The following PTGR1 variants were observed in gnomAD, a reference collection of about 807,000 sequenced individuals.
The protein encoded by PTGR1 is 15-oxoprostaglandin 13-reductase.
A neutral mutation model predicts 37.7 loss-of-function variants in PTGR1; 23 were observed. That is an observed-to-expected ratio of 0.61 (90% CI 0.44 to 0.86). The LOEUF is 0.86. Ranked by LOEUF, PTGR1 falls within the 40% of genes least tolerant of loss-of-function variation. The pLI is 0.00. For missense variants in PTGR1, 351 were observed against 394.3 expected, an observed-to-expected ratio of 0.89 and a Z score of 0.93; for synonymous variants, 134 against 140.0, an observed-to-expected ratio of 0.96 and a Z score of 0.30.
At position 111,586,110 on chromosome 9, in the gene PTGR1, G is replaced by C. The variant is rs756125495; in HGVS notation, c.265C>G (p.Pro89Ala). The change falls in exon 5 of 10, where the codon CCA becomes GCA. Residue 89 changes from proline to alanine, a missense_variant. Transcript: ENST00000407693. ...GAAATGGAGTGCGTTGTCCAGCCTG[G>C]AGAAGCCAGTACAATAGTTCCTTTT... ...LPKGTIVLAS[P>A]GWTTHSISDG... The C allele has an allele frequency of 6.2e-7, 1 of 1,614,168 alleles. No homozygotes were observed. Among genetic ancestry groups the C allele is most frequent in the African/African-American group, 1.3e-5 (1 of 75,034 alleles).
At chr9:111,550,847 A>G (rs764041484) in intron 9 of PTGR1, among the ~76,000 whole-genome samples, 3 of 151,972 alleles carry the variant, frequency 2.0e-5, no homozygotes, top group Non-Finnish European at 4.4e-5. Flanking sequence ...TTCTCTGAGC[A>G]TGTTAATTAT....
At chr9:111,567,500 G>A (rs1451269535) in intron 9 of PTGR1, among the ~76,000 whole-genome samples, 1 of 152,126 alleles carries the variant, frequency 6.6e-6, no homozygotes, top group Non-Finnish European at 1.5e-5. Context: ...GCACTTTTTA[G>A]CAAAGGCTTG....
At chr9:111,570,003 G>A in intron 9 of PTGR1, 88 bp downstream of exon 9, 1 of 1,579,986 alleles carries the variant, frequency 6.3e-7, no homozygotes, top group Non-Finnish European at 8.6e-7. Flanking sequence ...GGCAGAGATG[G>A]GGAAGAATTG....
chr9:111,551,828 T>C (rs1827968755), intron 9 of PTGR1, among the ~76,000 whole-genome samples: 1 of 152,210 alleles, frequency 6.6e-6, no homozygotes, highest in African/African-American at 2.4e-5. Context: ...ATCAATTCAG[T>C]TTATTAGCAT....
intron 9 of PTGR1, 189 bp downstream of exon 9, chr9:111,569,902 G>A (rs1828733866): frequency 2.2e-6 from 2 of 892,630 alleles, no homozygotes; most frequent in African/African-American, 1.7e-5. Flanking sequence ...GAACTTTAGA[G>A]AGGGTTGTTT....
intron 9 of PTGR1, among the ~76,000 whole-genome samples, chr9:111,553,909 G>T (rs1424355013): frequency 1.3e-5 from 2 of 152,160 alleles, no homozygotes; most frequent in African/African-American, 2.4e-5. Context: ...GGTCTTTCCA[G>T]CATTTTGTTG....
Position 111,597,286 on chromosome 9 carries a change from C to T in PTGR1, c.106+31G>A, listed in dbSNP as rs760888965. On this transcript the variant is annotated intron_variant, in intron 2 of 9. Transcript: ENST00000407693. Reference sequence around the variant, plus strand: ...CAAAAGCTAACTGATACAGTCCCTTCCAACTCTGAAATATTTTTAGTATGA... The same window carrying T: ...CAAAAGCTAACTGATACAGTCCCTTTCAACTCTGAAATATTTTTAGTATGA... The T allele has an allele frequency of 2.0e-6, 3 of 1,517,198 alleles. No homozygotes were observed. The South Asian group carries it at 3.4e-5, about 17-fold the overall frequency. The allele number at this position is 1,517,198 out of a possible 1,614,324, so 94.0% of individuals were successfully genotyped here.
At chr9:111,580,862 A>G (rs1437818360) in intron 6 of PTGR1, among the ~76,000 whole-genome samples, 3 of 152,104 alleles carry the variant, frequency 2.0e-5, no homozygotes, top group African/African-American at 7.2e-5. Flanking sequence ...TGTTTCTAGC[A>G]TAGCGTCCCT....
chr9:111,568,529 C>T (rs533259688), intron 9 of PTGR1, among the ~76,000 whole-genome samples: 1 of 152,252 alleles, frequency 6.6e-6, no homozygotes, highest in African/African-American at 2.4e-5. Context: ...TGATTTTGCC[C>T]TTGTCCTGTT....
At chr9:111,557,265 T>C (rs538127895) in intron 9 of PTGR1, among the ~76,000 whole-genome samples, 67 of 151,856 alleles carry the variant, frequency 4.4e-4, no homozygotes, top group Admixed American at 7.2e-4. Flanking sequence ...TCCCAGCTAC[T>C]TGGGAGGCTG....
chr9:111,581,850 T>C (rs935453039), intron 6 of PTGR1, among the ~76,000 whole-genome samples: 1 of 152,110 alleles, frequency 6.6e-6, no homozygotes, highest in Admixed American at 6.6e-5. Context: ...TTAATGATAA[T>C]GAGATTTTTA....
chr9:111,568,010 A>T (rs1157246848), intron 9 of PTGR1, among the ~76,000 whole-genome samples: 1 of 152,232 alleles, frequency 6.6e-6, no homozygotes. Context: ...CCACTGTGAT[A>T]ATTGTGTTAA....
At chr9:111,581,500 C>A (rs1215475268) in intron 6 of PTGR1, among the ~76,000 whole-genome samples, 1 of 152,092 alleles carries the variant, frequency 6.6e-6, no homozygotes, top group African/African-American at 2.4e-5. Flanking sequence ...CTTATAAGCA[C>A]CTCAAAGAAA....
rs556546672 is a variant in PTGR1 at position 111,588,605 on chromosome 9, A to G, written c.210-2440T>C. On this transcript the variant is annotated intron_variant, in intron 4 of 9. Coordinates refer to ENST00000407693, the MANE Select transcript of PTGR1 (RefSeq NM_001146108.2). ...CAATGGCGAGATCTCAGCTCACTGC[A>G]ACCTCCGCCTCCCAGGTTCAAGCAA... is the stretch of plus-strand genomic sequence containing the variant. Among the ~76,000 whole-genome samples, 353 of 151,258 alleles carry G rather than the reference A, an allele frequency of 2.3e-3. 1 individual carries two copies. The highest frequency in any genetic ancestry group is 8.4e-3 in the African/African-American group (347 of 41,162).
At chr9:111,587,028 T>G (rs1299114104) in intron 4 of PTGR1, among the ~76,000 whole-genome samples, 2 of 152,102 alleles carry the variant, frequency 1.3e-5, no homozygotes, top group South Asian at 2.1e-4. Context: ...TTAGCCAGGC[T>G]GATCTCGAAC....
chr9:111,576,502 C>CG (rs1829061779), intron 7 of PTGR1: 1 of 1,561,860 alleles, frequency 6.4e-7, no homozygotes. Context: ...GGCTCTGGTT[C>CG]GGGGAAGAGC....
chr9:111,576,405 G>C (rs774230862), intron 7 of PTGR1: 1 of 1,614,142 alleles, frequency 6.2e-7, no homozygotes, highest in Non-Finnish European at 8.5e-7. Context: ...TGTTCTCTGA[G>C]GCTGAATAAG....
At chr9:111,561,292 T>A (rs1471807389), downstream of PTGR1, among the ~76,000 whole-genome samples, 1 of 152,000 alleles carries the variant, frequency 6.6e-6, no homozygotes, top group Non-Finnish European at 1.5e-5. Context: ...TAATTTTTTT[T>A]AGACACAGGG....
At chr9:111,598,284 G>C (rs1829842781) in intron 1 of PTGR1, among the ~76,000 whole-genome samples, 1 of 152,124 alleles carries the variant, frequency 6.6e-6, no homozygotes, top group Non-Finnish European at 1.5e-5. Flanking sequence ...GAACTCTGCC[G>C]AATCACTTGG....
Sources: allele counts gnomAD v4.1 joint callset (sites outside exome capture counted in the v4.1 genomes callset), GRCh38; gene constraint gnomAD v4.1.1; transcripts MANE v1.5; gene names NCBI Gene and HGNC (gene_info 2026-07-23, HGNC 2026-07-21).